The following ANKFN1 variants were observed in gnomAD, a reference collection of about 807,000 sequenced individuals.
ANKFN1 encodes the protein ankyrin repeat and fibronectin type III domain containing 1, also known as ankyrin repeat and fibronectin type-III domain-containing protein 1.
A neutral mutation model predicts 108.7 loss-of-function variants in ANKFN1; 74 were observed. The observed-to-expected ratio is 0.68, with a 90% CI of 0.56 to 0.83. The LOEUF is 0.83. ANKFN1 is among the 40% of genes least tolerant of loss of function. ANKFN1 has a pLI of 0.00. For missense variants in ANKFN1, 1,505 were observed against 1,382.3 expected (o/e 1.09, Z -1.41); for synonymous variants, 547 against 516.2 (o/e 1.06, Z -0.81).
intron 2 of ANKFN1, among the ~76,000 whole-genome samples, chr17:56,220,826 G>A (rs1361449312): frequency 3.8e-5 from 2 of 52,112 alleles, no homozygotes; most frequent in East Asian, 1.2e-3. Context: ...AAGGAAGGAA[G>A]GAAGGGAGGA....
In ANKFN1 at chr17:56,516,257, AGTGTGT is replaced by A. The variant is rs71139913; in HGVS notation, c.*5008_*5013del. ...GTTTGATGTTTGTGATTTTTAAAAA[AGTGTGT>A]GTGTGTGTGTGTGTGTGTGCGTGTG... On this transcript the variant is annotated 3_prime_UTR_variant, in exon 21 of 21. Coordinates refer to ENST00000682825, the MANE Select transcript of ANKFN1 (RefSeq NM_001370326.1). 3.4e-4 allele frequency among the ~76,000 whole-genome samples: 51 copies of A among 148,456 alleles called. No homozygotes were observed. Among genetic ancestry groups the A allele is most frequent in the East Asian group, 1.8e-3 (9 of 5,078 alleles).
At chr17:56,105,701 GT>G (rs200017680) in intron 4 of ANKFN1, among the ~76,000 whole-genome samples, 1 of 120,376 alleles carries the variant, frequency 8.3e-6, no homozygotes, top group African/African-American at 3.4e-5. Context: ...AGTTTTGGGG[GT>G]TTTTTTGTCT....
chr17:56,463,896 T>C (rs1279573525), intron 14 of ANKFN1: 1 of 152,202 alleles, frequency 6.6e-6, no homozygotes, highest in East Asian at 1.9e-4. Flanking sequence ...TAAAGACCTC[T>C]AAATATTGTG....
At chr17:56,468,656 A>G (rs958017375) in intron 15 of ANKFN1, among the ~76,000 whole-genome samples, 6 of 152,132 alleles carry the variant, frequency 3.9e-5, no homozygotes, top group African/African-American at 2.4e-5. Context: ...AGTTACTTTC[A>G]TTCCCCGCCA....
intron 4 of ANKFN1, among the ~76,000 whole-genome samples, chr17:56,112,872 A>G (rs1474324715): frequency 6.6e-6 from 1 of 152,216 alleles, no homozygotes; most frequent in Non-Finnish European, 1.5e-5. Flanking sequence ...ACAAATATGT[A>G]TCAGATATAT....
chr17:56,308,175 C>A (rs2044894333), intron 3 of ANKFN1, among the ~76,000 whole-genome samples: 1 of 151,170 alleles, frequency 6.6e-6, no homozygotes, highest in African/African-American at 2.4e-5. Context: ...CAACATAGCA[C>A]ATGTATACAT....
chr17:56,116,628 C>T (rs991050251), intron 4 of ANKFN1, among the ~76,000 whole-genome samples: 11 of 152,066 alleles, frequency 7.2e-5, no homozygotes, highest in Admixed American at 3.9e-4. Flanking sequence ...CACCTTCCAC[C>T]ATGAGATGAA....
intron 1 of ANKFN1, among the ~76,000 whole-genome samples, chr17:56,194,559 A>G (rs1913321203): frequency 6.6e-6 from 1 of 152,256 alleles, no homozygotes; most frequent in Non-Finnish European, 1.5e-5. Context: ...CTATGAAGAC[A>G]GTAAAAAGAT....
intron 1 of ANKFN1, among the ~76,000 whole-genome samples, chr17:56,181,611 C>A (rs1911683887): frequency 6.6e-6 from 1 of 152,200 alleles, no homozygotes; most frequent in Non-Finnish European, 1.5e-5. Context: ...CAGTCAAGTG[C>A]AACTTCCAGT....
intron 4 of ANKFN1, among the ~76,000 whole-genome samples, chr17:56,104,245 T>C (rs1405556922): frequency 6.6e-6 from 1 of 152,264 alleles, no homozygotes; most frequent in Non-Finnish European, 1.5e-5. Flanking sequence ...TCAAAAAATA[T>C]ACTTGCCTTT....
At chr17:56,405,976 A>C (rs546907658) in intron 8 of ANKFN1, among the ~76,000 whole-genome samples, 35 of 152,306 alleles carry the variant, frequency 2.3e-4, no homozygotes, top group Non-Finnish European at 4.3e-4. Flanking sequence ...TCTCTTTATA[A>C]TTGTTTATAC....
At chr17:56,081,385 C>G (rs1436533159) in intron 4 of ANKFN1, among the ~76,000 whole-genome samples, 1 of 152,052 alleles carries the variant, frequency 6.6e-6, no homozygotes, top group Admixed American at 6.6e-5. Context: ...CAGAGTCTGA[C>G]TTTGTTGCCC....
chr17:56,167,214 C>T (rs1314040667), intron 1 of ANKFN1, among the ~76,000 whole-genome samples: 2 of 146,764 alleles, frequency 1.4e-5, no homozygotes, highest in Non-Finnish European at 3.0e-5. Context: ...CATATATATA[C>T]ATTCATATGT....
chr17:56,222,664 T>G (rs750820493), intron 2 of ANKFN1, among the ~76,000 whole-genome samples: 1 of 152,192 alleles, frequency 6.6e-6, no homozygotes, highest in Non-Finnish European at 1.5e-5. Context: ...ATCTTGAAGT[T>G]CAGGTGGAAG....
At chr17:56,493,621 G>C (rs978920260) in intron 19 of ANKFN1, among the ~76,000 whole-genome samples, 2 of 152,144 alleles carry the variant, frequency 1.3e-5, no homozygotes, top group African/African-American at 4.8e-5. Flanking sequence ...TCTGTAGGCA[G>C]TAGGGAGCTA....
At chr17:56,295,667 A>G (rs867085847) in intron 3 of ANKFN1, among the ~76,000 whole-genome samples, 27 of 152,308 alleles carry the variant, frequency 1.8e-4, no homozygotes, top group Non-Finnish European at 2.6e-4. Flanking sequence ...TGCTGCTATA[A>G]CAGAATACCA....
rs778420260 is a variant in ANKFN1 at position 56,326,182 on chromosome 17, G to A, written c.54-39G>A. The A allele has an allele frequency of 2.5e-6, 4 of 1,587,416 alleles. No homozygotes were observed. The African/African-American group carries it at 5.4e-5, about 22-fold the overall frequency. On this transcript the variant is annotated intron_variant, in intron 3 of 20. Transcript: ENST00000682825. ...TTCATGATCATGGACTTCGGCTCTTGCCTGTAGTGATCCTGTTCGCATTTT... is the reference window on the plus strand; with the variant it reads ...TTCATGATCATGGACTTCGGCTCTTACCTGTAGTGATCCTGTTCGCATTTT...
intron 8 of ANKFN1, among the ~76,000 whole-genome samples, chr17:56,390,798 C>T (rs771389677): frequency 7.9e-5 from 12 of 152,090 alleles, no homozygotes; most frequent in Non-Finnish European, 1.2e-4. Context: ...TAATGACCAA[C>T]GATGATGAGC....
In ANKFN1 at chr17:56,293,650, G is replaced by A. The variant is rs573710295; in HGVS notation, c.54-32571G>A. On this transcript the variant is annotated intron_variant, in intron 3 of 20. Coordinates refer to ENST00000682825, the MANE Select transcript of ANKFN1 (RefSeq NM_001370326.1). ...GGTTGGAGGTCAGGTGATGACCCAC[G>A]AAGGACAGCACAGAACAGATGCTAC... Among the ~76,000 whole-genome samples the A allele has an allele frequency of 7.2e-5, 11 of 152,272 alleles. No individual in the cohort carries two copies. The East Asian group carries it at 1.2e-3, about 16-fold the overall frequency.
Sources: gnomAD v4.1 joint callset for allele counts (sites outside exome capture counted in the v4.1 genomes callset) on GRCh38, gnomAD v4.1.1 for gene constraint, MANE v1.5 for transcripts, NCBI Gene and HGNC (gene_info 2026-07-23, HGNC 2026-07-21) for gene names.